Variants in FRYL observed in about 807,000 individuals in gnomAD.
FRYL encodes protein furry homolog-like.
A neutral mutation model predicts 351.2 loss-of-function variants in FRYL; 150 were observed. The observed-to-expected ratio is 0.43, with a 90% CI of 0.37 to 0.49. The LOEUF (loss-of-function observed/expected upper bound fraction) is 0.49, where lower values mean the gene tolerates loss of function less well. Among genes scored for constraint, FRYL ranks in the 20% least tolerant of loss-of-function variants. The probability of loss-of-function intolerance (pLI) is 0.00; values close to 1 mark genes in which losing one functional copy is unlikely to be tolerated. For missense variants in FRYL, 3,036 were observed against 3,619.3 expected (o/e 0.84, Z 4.13); for synonymous variants, 1,153 against 1,257.1 (o/e 0.92, Z 1.75).
chr4:48,612,623 G>A (rs1560714642), intron 7 of FRYL, among the ~76,000 whole-genome samples: 1 of 152,120 alleles, frequency 6.6e-6, no homozygotes, highest in Non-Finnish European at 1.5e-5. Flanking sequence ...CACCCAGGCT[G>A]GATAGAGTGC....
intron 6 of FRYL, among the ~76,000 whole-genome samples, chr4:48,620,140 C>T (rs879802741): frequency 3.9e-5 from 6 of 152,152 alleles, no homozygotes; most frequent in Admixed American, 1.3e-4. Flanking sequence ...CCTGAACACA[C>T]GTGGCTCTTA....
chr4:48,660,387 G>A (rs1165665961), intron 3 of FRYL, among the ~76,000 whole-genome samples: 1 of 152,122 alleles, frequency 6.6e-6, no homozygotes, highest in East Asian at 1.9e-4. Context: ...GATTTTGGGA[G>A]GGACCCACCA....
rs184597369 is a variant in FRYL, at chr4:48,508,750, A to C, written c.8394+1309T>G. On this transcript the variant is annotated intron_variant, in intron 59 of 63. Coordinates refer to ENST00000358350, the MANE Select transcript of FRYL (RefSeq NM_015030.2). ...CCTCTGTTCTCCCCTACATGGCCTC[A>C]TCTTCCAGCAGGCTAGAGGTCAAAT... Among the ~76,000 whole-genome samples, 40 of 152,280 alleles carry C rather than the reference A, an allele frequency of 2.6e-4. No individual in the cohort carries two copies. The East Asian group carries it at 7.5e-3, about 29-fold the overall frequency.
At chr4:48,700,610 T>A (rs754146440) in intron 2 of FRYL, among the ~76,000 whole-genome samples, 3 of 151,934 alleles carry the variant, frequency 2.0e-5, no homozygotes, top group Non-Finnish European at 2.9e-5. Context: ...AAGACCAGCC[T>A]GGGCAACATA....
chr4:48,730,303 A>C (rs538354404), intron 1 of FRYL, among the ~76,000 whole-genome samples: 29 of 152,310 alleles, frequency 1.9e-4, no homozygotes, highest in Middle Eastern at 3.4e-3. Context: ...CCAAGTTAGA[A>C]AACACTCTTC....
chr4:48,642,787 G>A lies in FRYL; in HGVS notation c.-80-8297C>T, dbSNP rs535402458. Among the ~76,000 whole-genome samples the A allele has an allele frequency of 3.9e-5, 6 of 152,066 alleles. 1 individual carries two copies. Among genetic ancestry groups the A allele is most frequent in the African/African-American group, 1.4e-4 (6 of 41,468 alleles). On this transcript the variant is annotated intron_variant, in intron 3 of 63. Transcript: ENST00000358350. ...CTTGTGCTTTTTTGGTAATCTTTGG[G>A]AGCTCAACTAAGAAACTATTCTAAA...
At chr4:48,587,320 G>T (rs1315878993) in intron 18 of FRYL, among the ~76,000 whole-genome samples, 1 of 151,792 alleles carries the variant, frequency 6.6e-6, no homozygotes, top group Non-Finnish European at 1.5e-5. Context: ...TACCTCTAGA[G>T]GCTTAATACA....
chr4:48,754,998 T>C (rs1773631032), intron 1 of FRYL, among the ~76,000 whole-genome samples: 1 of 152,170 alleles, frequency 6.6e-6, no homozygotes, highest in South Asian at 2.1e-4. Flanking sequence ...GGGTGTAGCA[T>C]TGTGTACAGA....
intron 2 of FRYL, among the ~76,000 whole-genome samples, chr4:48,698,261 T>G (rs527629753): frequency 6.6e-6 from 1 of 152,248 alleles, no homozygotes; most frequent in Non-Finnish European, 1.5e-5. Context: ...GAAGACTTAC[T>G]ATAGCCACAA....
rs574953365 is a variant in FRYL, at chr4:48,590,915, C to T, written c.1336-85G>A. ...GTTAGAAATATTTCATCAGTAACAT[C>T]AGAGTTGGGGGGTGGAAGGAAGGAA... is the stretch of plus-strand genomic sequence containing the variant. On this transcript the variant is annotated intron_variant, in intron 16 of 63. Coordinates refer to ENST00000358350, the MANE Select transcript of FRYL (RefSeq NM_015030.2). The T allele has an allele frequency of 2.7e-5, 28 of 1,025,552 alleles. No homozygotes were observed. The East Asian group carries it at 7.0e-4, about 26-fold the overall frequency. 63.5% of individuals were successfully genotyped at this position (1,025,552 alleles called of 1,614,324 possible).
At chr4:48,509,222 A>G (rs532723275) in intron 59 of FRYL, among the ~76,000 whole-genome samples, 17 of 152,342 alleles carry the variant, frequency 1.1e-4, no homozygotes, top group African/African-American at 4.1e-4. Context: ...CATCCAAAAA[A>G]GGGCTTGCAT....
At chr4:48,777,583 G>C (rs1413019633) in intron 1 of FRYL, among the ~76,000 whole-genome samples, 2 of 152,198 alleles carry the variant, frequency 1.3e-5, no homozygotes, top group Admixed American at 1.3e-4. Flanking sequence ...TTAAAACAAT[G>C]TAGAAAGCAC....
At chr4:48,622,837 T>C (rs1457970370) in intron 5 of FRYL, among the ~76,000 whole-genome samples, 3 of 151,788 alleles carry the variant, frequency 2.0e-5, no homozygotes, top group Non-Finnish European at 4.4e-5. Context: ...ATGTAAAAAG[T>C]GTGGCAATTG....
In FRYL at chr4:48,567,440, CAA is replaced by C; in HGVS notation, c.2997-22_2997-21del. On this transcript the variant is annotated intron_variant, in intron 27 of 63. Transcript: ENST00000358350. This position sits in a 1 kb window ranked among gnomAD's most constrained non-coding sequence, Gnocchi z 4.2. ...CTTGCACTGAAAATATTGAAGAAAA[CAA>C]AAGATGAAGTAAATGGGACTTTATG... The C allele has an allele frequency of 6.4e-7, 1 of 1,557,710 alleles. No homozygotes were observed. Among genetic ancestry groups the C allele is most frequent in the South Asian group, 1.2e-5 (1 of 80,748 alleles).
intron 3 of FRYL, among the ~76,000 whole-genome samples, chr4:48,683,067 T>G (rs1372305547): frequency 1.3e-5 from 2 of 152,068 alleles, no homozygotes; most frequent in African/African-American, 4.8e-5. Context: ...GGCACATATA[T>G]ACCATAGAAT....
chr4:48,553,786 T>C (rs1733457880), intron 35 of FRYL, among the ~76,000 whole-genome samples: 1 of 152,208 alleles, frequency 6.6e-6, no homozygotes, highest in African/African-American at 2.4e-5. Flanking sequence ...GGGTTTATCT[T>C]TTATTCCGCC....
chr4:48,620,589 A>G, intron 6 of FRYL, 50 bp downstream of exon 6: 1 of 1,539,078 alleles, frequency 6.5e-7, no homozygotes, highest in South Asian at 1.2e-5. Context: ...TCACCCCTTC[A>G]TTGGAAGTGT....
chr4:48,694,894 A>T (rs991077501), intron 2 of FRYL, among the ~76,000 whole-genome samples: 4 of 152,130 alleles, frequency 2.6e-5, no homozygotes, highest in African/African-American at 9.7e-5. Context: ...CAACATAGTG[A>T]AACCTCATCT....
chr4:48,602,989 T>C (rs1433360468), intron 12 of FRYL, among the ~76,000 whole-genome samples: 1 of 152,218 alleles, frequency 6.6e-6, no homozygotes, highest in Non-Finnish European at 1.5e-5. Context: ...CATTCAATGA[T>C]GTTTGCACAA....
Sources: allele counts gnomAD v4.1 joint callset (sites outside exome capture counted in the v4.1 genomes callset), GRCh38; gene constraint gnomAD v4.1.1; non-coding constraint Gnocchi (gnomAD v3.1); transcripts MANE v1.5; gene names NCBI Gene and HGNC (gene_info 2026-07-23, HGNC 2026-07-21).